The following BICC1 variants were observed in gnomAD, a reference collection of about 807,000 sequenced individuals.
BICC1 encodes protein bicaudal C homolog 1.
BICC1 carries 43 observed loss-of-function variants against 111.0 expected under a neutral mutation model. That is an observed-to-expected ratio of 0.39 (90% CI 0.30 to 0.50). The LOEUF (loss-of-function observed/expected upper bound fraction) is 0.50, where lower values mean the gene tolerates loss of function less well. Among genes scored for constraint, BICC1 ranks in the 20% least tolerant of loss-of-function variants. BICC1 has a pLI of 0.88. For missense variants in BICC1, 1,091 were observed against 1,203.2 expected (o/e 0.91, Z 1.38); for synonymous variants, 467 against 434.4 (o/e 1.07, Z -0.93).
chr10:58,553,559 G>A (rs1001138218), intron 1 of BICC1, among the ~76,000 whole-genome samples: 1 of 152,066 alleles, frequency 6.6e-6, no homozygotes, highest in African/African-American at 2.4e-5. Context: ...CAATAAATTT[G>A]TGCTGTTTTA....
intron 3 of BICC1, among the ~76,000 whole-genome samples, chr10:58,737,254 C>A (rs1455214554): frequency 6.6e-6 from 1 of 152,146 alleles, no homozygotes; most frequent in African/African-American, 2.4e-5. Flanking sequence ...TCCCTTCCCC[C>A]CACCGCACAA....
intron 1 of BICC1, among the ~76,000 whole-genome samples, chr10:58,584,844 T>C (rs1337368001): frequency 1.3e-5 from 2 of 152,064 alleles, no homozygotes; most frequent in African/African-American, 4.8e-5. Flanking sequence ...ACAACATTTT[T>C]TGAAAAAACA....
intron 3 of BICC1, among the ~76,000 whole-genome samples, chr10:58,715,067 C>CA (rs553874247): frequency 0.028 from 3,481 of 123,762 alleles, 77 homozygotes; most frequent in African/African-American, 0.072. Context: ...GACTCTGTCT[C>CA]AAAAAAAAAA....
chr10:58,681,232 A>G (rs1839509565), intron 2 of BICC1, among the ~76,000 whole-genome samples: 1 of 152,226 alleles, frequency 6.6e-6, no homozygotes, highest in Admixed American at 6.5e-5. Flanking sequence ...TGAACAGGCA[A>G]CCTACAGAAT....
At chr10:58,581,722 A>G (rs542589964) in intron 1 of BICC1, among the ~76,000 whole-genome samples, 1 of 152,320 alleles carries the variant, frequency 6.6e-6, no homozygotes, top group East Asian at 1.9e-4. Flanking sequence ...TATTATAAAT[A>G]AGAGGGAGAA....
At chr10:58,557,404 G>A (rs1843482240) in intron 1 of BICC1, among the ~76,000 whole-genome samples, 2 of 147,554 alleles carry the variant, frequency 1.4e-5, no homozygotes, top group East Asian at 4.0e-4. Context: ...TAGCTTTATT[G>A]TTTTCATTAG....
intron 4 of BICC1, among the ~76,000 whole-genome samples, chr10:58,786,117 A>G (rs1339919397): frequency 6.6e-6 from 1 of 152,200 alleles, no homozygotes; most frequent in Non-Finnish European, 1.5e-5. Flanking sequence ...TATTTTTGAC[A>G]TATTTTGATA....
intron 20 of BICC1, 40 bp downstream of exon 20, chr10:58,820,508 A>G: frequency 7.0e-7 from 1 of 1,425,220 alleles, no homozygotes; most frequent in South Asian, 1.1e-5. Context: ...AAATCTGAAT[A>G]ACCTCTGCCA....
chr10:58,630,586 G>A (rs551370427), intron 2 of BICC1, among the ~76,000 whole-genome samples: 13 of 152,158 alleles, frequency 8.5e-5, no homozygotes, highest in South Asian at 8.3e-4. Flanking sequence ...GCGCCACCAC[G>A]CCTAGCTTTC....
intron 3 of BICC1, among the ~76,000 whole-genome samples, chr10:58,727,634 A>G (rs987439615): frequency 1.3e-5 from 2 of 152,154 alleles, no homozygotes; most frequent in Non-Finnish European, 2.9e-5. Flanking sequence ...CATACTTAAG[A>G]ATTACAAAAG....
intron 3 of BICC1, among the ~76,000 whole-genome samples, chr10:58,708,937 A>G (rs1840486697): frequency 6.6e-6 from 1 of 152,168 alleles, no homozygotes; most frequent in Non-Finnish European, 1.5e-5. Context: ...CTTAAAAGGA[A>G]AACCTTACTG....
At chr10:58,826,854 C>T (rs1427949104) in intron 20 of BICC1, among the ~76,000 whole-genome samples, 1 of 152,212 alleles carries the variant, frequency 6.6e-6, no homozygotes, top group Non-Finnish European at 1.5e-5. Context: ...CGTTTATGAT[C>T]AGGACTGCCC....
intron 1 of BICC1, among the ~76,000 whole-genome samples, chr10:58,598,814 AAAAC>A (rs1271015429): frequency 6.6e-6 from 1 of 151,962 alleles, no homozygotes; most frequent in East Asian, 1.9e-4. Context: ...TTACAAGAAA[AAAAC>A]AACCCCATAA....
At position 58,591,228 on chromosome 10, in the gene BICC1, A is replaced by G. The variant is rs568127608; in HGVS notation, c.191-29627A>G. Reference sequence around the variant, plus strand: ...TCAGTCCAGCTTGATATTCTTCTCCACAAGTGTGACTTGGGTAGGGAAAGG... The same window carrying G: ...TCAGTCCAGCTTGATATTCTTCTCCGCAAGTGTGACTTGGGTAGGGAAAGG... On this transcript the variant is annotated intron_variant, in intron 1 of 20. Coordinates refer to ENST00000373886, the MANE Select transcript of BICC1 (RefSeq NM_001080512.3). Among the ~76,000 whole-genome samples, 122 of 152,188 alleles carry G rather than the reference A, an allele frequency of 8.0e-4. 1 individual carries two copies. The highest frequency in any genetic ancestry group is 2.7e-3 in the African/African-American group (114 of 41,458).
intron 1 of BICC1, among the ~76,000 whole-genome samples, chr10:58,600,733 G>T (rs979283839): frequency 5.3e-5 from 8 of 151,978 alleles, no homozygotes; most frequent in African/African-American, 1.9e-4. Flanking sequence ...TCAGTGTGCA[G>T]GTAATGAGGA....
chr10:58,578,784 A>G (rs944223327), intron 1 of BICC1, among the ~76,000 whole-genome samples: 3 of 152,116 alleles, frequency 2.0e-5, no homozygotes, highest in African/African-American at 7.2e-5. Flanking sequence ...TATAAGAGCC[A>G]TGCCCCCTCT....
At chr10:58,778,951 T>C (rs1218601809) in intron 3 of BICC1, among the ~76,000 whole-genome samples, 1 of 152,230 alleles carries the variant, frequency 6.6e-6, no homozygotes, top group African/African-American at 2.4e-5. Flanking sequence ...AGGCTTCTAG[T>C]CGTCCTGTTT....
chr10:58,773,568 A>G (rs1405641043), intron 3 of BICC1, among the ~76,000 whole-genome samples: 2 of 152,212 alleles, frequency 1.3e-5, no homozygotes, highest in Non-Finnish European at 2.9e-5. Flanking sequence ...GAGCCCAGTG[A>G]AAAAGGAAAC....
chr10:58,701,552 G>A (rs1840235501), intron 2 of BICC1, among the ~76,000 whole-genome samples: 1 of 152,104 alleles, frequency 6.6e-6, no homozygotes, highest in South Asian at 2.1e-4. Flanking sequence ...GCAGTCTTAC[G>A]ACGTGATGTC....
Sources: gnomAD v4.1 joint callset for allele counts (sites outside exome capture counted in the v4.1 genomes callset) on GRCh38, gnomAD v4.1.1 for gene constraint, MANE v1.5 for transcripts, NCBI Gene and HGNC (gene_info 2026-07-23, HGNC 2026-07-21) for gene names.